ADGRL3: variants seen among roughly 807,000 people sequenced by gnomAD.
The protein encoded by ADGRL3 is calcium-independent alpha-latrotoxin receptor 3.
Under a neutral mutation model 153.5 loss-of-function variants are expected in ADGRL3, and 62 were observed. The ratio of observed to expected loss-of-function variants is 0.40; its 90% CI spans 0.33 to 0.50. ADGRL3 has a LOEUF of 0.50. Ranked by LOEUF, ADGRL3 falls within the 20% of genes least tolerant of loss-of-function variation. ADGRL3 has a pLI of 0.47. For missense variants in ADGRL3, 1,641 were observed against 1,859.4 expected (o/e 0.88, Z 2.16); for synonymous variants, 710 against 672.5 (o/e 1.06, Z -0.86).
intron 5 of ADGRL3, among the ~76,000 whole-genome samples, chr4:61,616,442 G>A (rs985867044): frequency 6.6e-6 from 1 of 152,068 alleles, no homozygotes; most frequent in South Asian, 2.1e-4. Flanking sequence ...TCAGAGAAAG[G>A]AACCTGAATG....
chr4:61,733,629 T>TATTA, intron 8 of ADGRL3, 75 bp downstream of exon 8: 1 of 1,078,656 alleles, frequency 9.3e-7, no homozygotes, highest in Non-Finnish European at 1.3e-6. Flanking sequence ...TTTATGTTTT[T>TATTA]ATTAAACTTT....
At position 61,698,503 on chromosome 4, in the gene ADGRL3, T is replaced by G. The variant is rs2095686096; in HGVS notation, c.583+21568T>G. 2.0e-5 allele frequency among the ~76,000 whole-genome samples: 3 copies of G among 152,148 alleles called. No homozygotes were observed. The South Asian group carries it at 6.2e-4, about 32-fold the overall frequency. On this transcript the variant is annotated intron_variant, in intron 6 of 26. Transcript: ENST00000683033. Reference sequence around the variant, plus strand: ...CAAAAACAAATACAAAAATACTTATTGAGCTAGCTCCAGTGCTGTGCTATG... The same window carrying G: ...CAAAAACAAATACAAAAATACTTATGGAGCTAGCTCCAGTGCTGTGCTATG...
Position 61,497,232 on chromosome 4 carries a change from G to A in ADGRL3, c.-62G>A. On this transcript the variant is annotated 5_prime_UTR_variant, in exon 3 of 27. Coordinates refer to ENST00000683033, the MANE Select transcript of ADGRL3 (RefSeq NM_001387552.1). The stretch of plus-strand genomic sequence containing the variant: ...TACAGAAGAGAAACTAGAAATATAC[G>A]TATTTTGTTTCACATTTGAACAGTC... The A allele has an allele frequency of 5.5e-6, 5 of 917,166 alleles. No homozygotes were observed. Among genetic ancestry groups the A allele is most frequent in the South Asian group, 1.5e-5 (1 of 67,196 alleles). The allele number at this position is 917,166 out of a possible 1,614,324, so 56.8% of individuals were successfully genotyped here.
At chr4:61,509,168 C>T (rs1293576367) in intron 3 of ADGRL3, among the ~76,000 whole-genome samples, 2 of 124,904 alleles carry the variant, frequency 1.6e-5, no homozygotes, top group African/African-American at 6.0e-5. Context: ...TCATTTGTTG[C>T]CCAGGCTGGA....
intron 1 of ADGRL3, among the ~76,000 whole-genome samples, chr4:61,261,926 T>A (rs1397432281): frequency 6.6e-6 from 1 of 152,148 alleles, no homozygotes; most frequent in East Asian, 1.9e-4. Flanking sequence ...GATTGTTCTT[T>A]AGTCAACTGA....
chr4:61,490,406 A>T (rs1415730075), intron 2 of ADGRL3, among the ~76,000 whole-genome samples: 1 of 151,886 alleles, frequency 6.6e-6, no homozygotes, highest in African/African-American at 2.4e-5. Flanking sequence ...TCTTTAATGC[A>T]GGAATTATGC....
chr4:61,606,393 A>C (rs1160546566), intron 5 of ADGRL3, among the ~76,000 whole-genome samples: 2 of 152,188 alleles, frequency 1.3e-5, no homozygotes, highest in Non-Finnish European at 2.9e-5. Flanking sequence ...GGGTGGCTTG[A>C]ATATCAGAAA....
chr4:61,870,262 C>T (rs2098436109), intron 9 of ADGRL3, among the ~76,000 whole-genome samples: 1 of 152,018 alleles, frequency 6.6e-6, no homozygotes, highest in African/African-American at 2.4e-5. Context: ...TATCCACATA[C>T]CAGTGAATGG....
intron 8 of ADGRL3, among the ~76,000 whole-genome samples, chr4:61,791,276 T>C (rs568420496): frequency 6.6e-6 from 1 of 152,266 alleles, no homozygotes; most frequent in South Asian, 2.1e-4. Flanking sequence ...AGGCACTGGG[T>C]AAATACAGCA....
At chr4:61,819,132 T>A (rs192360996) in intron 9 of ADGRL3, among the ~76,000 whole-genome samples, 1 of 152,174 alleles carries the variant, frequency 6.6e-6, no homozygotes, top group East Asian at 1.9e-4. Flanking sequence ...GCATTCAAAT[T>A]ATACATGCAA....
chr4:61,301,207 CTG>C (rs1346889413), intron 1 of ADGRL3, among the ~76,000 whole-genome samples: 2 of 152,164 alleles, frequency 1.3e-5, no homozygotes, highest in Non-Finnish European at 2.9e-5. Context: ...AGTAATTAAT[CTG>C]TTTAAAATAT....
chr4:61,880,113 A>C (rs1423430528), intron 9 of ADGRL3, among the ~76,000 whole-genome samples: 5 of 152,206 alleles, frequency 3.3e-5, no homozygotes, highest in Non-Finnish European at 7.3e-5. Context: ...ATTGAGGAGA[A>C]GTTACTAAGT....
At chr4:61,866,978 C>A (rs987214380) in intron 9 of ADGRL3, among the ~76,000 whole-genome samples, 1 of 151,974 alleles carries the variant, frequency 6.6e-6, no homozygotes, top group African/African-American at 2.4e-5. Context: ...ATGCACAGAC[C>A]GTATAAGGAT....
intron 5 of ADGRL3, among the ~76,000 whole-genome samples, chr4:61,646,479 C>A (rs1351590795): frequency 1.3e-5 from 2 of 151,770 alleles, no homozygotes; most frequent in East Asian, 3.9e-4. Context: ...GATGTCCTTT[C>A]TGTTTGTTAT....
chr4:61,776,095 T>A (rs548085253), intron 8 of ADGRL3, among the ~76,000 whole-genome samples: 1 of 152,018 alleles, frequency 6.6e-6, no homozygotes, highest in Non-Finnish European at 1.5e-5. Flanking sequence ...AGAGACGGGG[T>A]TTCACTGTGT....
At chr4:61,466,665 G>A (rs1254102738) in intron 2 of ADGRL3, among the ~76,000 whole-genome samples, 1 of 152,158 alleles carries the variant, frequency 6.6e-6, no homozygotes, top group Non-Finnish European at 1.5e-5. Context: ...GACGTACCAT[G>A]TATGGTGCAA....
intron 2 of ADGRL3, among the ~76,000 whole-genome samples, chr4:61,489,924 C>A (rs1193219675): frequency 6.6e-6 from 1 of 151,992 alleles, no homozygotes; most frequent in Non-Finnish European, 1.5e-5. Context: ...GTGCCTTTAA[C>A]TATTATAAAT....
At chr4:61,571,542 G>A (rs1420004679) in intron 4 of ADGRL3, among the ~76,000 whole-genome samples, 1 of 151,808 alleles carries the variant, frequency 6.6e-6, no homozygotes, top group Non-Finnish European at 1.5e-5. Flanking sequence ...CAGACCTGAG[G>A]AACCTGGGGA....
chr4:61,648,782 T>G (rs971650794), intron 5 of ADGRL3, among the ~76,000 whole-genome samples: 1 of 152,096 alleles, frequency 6.6e-6, no homozygotes, highest in Admixed American at 6.5e-5. Context: ...ATATATCATT[T>G]CAATTACTTC....
Sources: allele counts gnomAD v4.1 joint callset (sites outside exome capture counted in the v4.1 genomes callset), GRCh38; gene constraint gnomAD v4.1.1; transcripts MANE v1.5; gene names NCBI Gene and HGNC (gene_info 2026-07-23, HGNC 2026-07-21).